OR7E24: variants seen among roughly 807,000 people sequenced by gnomAD.
OR7E24 encodes the protein olfactory receptor family 7 subfamily E member 24.
For synonymous variants in OR7E24, 130 were observed against 157.5 expected (o/e 0.83, Z 1.31); for missense variants, 385 against 410.3 (o/e 0.94, Z 0.53).
the OR7E24 span, among the ~76,000 whole-genome samples, chr19:9,219,923 A>G: frequency 6.6e-6 from 1 of 152,198 alleles, no homozygotes. Flanking sequence ...GCAAGGAACT[A>G]AACTCAGGAA....
chr19:9,245,863 T>A (rs575598446), upstream of OR7E24, among the ~76,000 whole-genome samples: 1 of 151,930 alleles, frequency 6.6e-6, no homozygotes, highest in Non-Finnish European at 1.5e-5. Context: ...GCCAAACAAC[T>A]CATTACAAAA....
chr19:9,251,060 TTC>T (rs761114866), intron 1 of OR7E24: 1 of 1,589,754 alleles, frequency 6.3e-7, no homozygotes, highest in Admixed American at 1.8e-5. Context: ...TATTTTCCAA[TTC>T]TCTTTTTTTT....
At chr19:9,232,941 A>G in the OR7E24 span, among the ~76,000 whole-genome samples, 1 of 152,130 alleles carries the variant, frequency 6.6e-6, no homozygotes, top group Non-Finnish European at 1.5e-5. Flanking sequence ...CATGAGATGC[A>G]CTCATGTAGA....
the OR7E24 span, among the ~76,000 whole-genome samples, chr19:9,239,318 C>T: frequency 4.0e-5 from 6 of 151,738 alleles, no homozygotes; most frequent in Non-Finnish European, 7.4e-5. Context: ...TACAGGCACC[C>T]GCCACCATGC....
At position 9,251,060 on chromosome 19, in the gene OR7E24, T is replaced by A. The variant is rs1232561987; in HGVS notation, c.17T>A (p.Ile6Asn). 1 of 1,589,634 alleles carries A rather than the reference T, an allele frequency of 6.3e-7. No individual in the cohort carries two copies. Among genetic ancestry groups the A allele is most frequent in the Non-Finnish European group, 8.6e-7 (1 of 1,167,918 alleles). MSYFP[I>N]LFFFFLKRCP... is the part of the protein sequence containing the mutation. ...GGTTTACTTATGTCCTATTTTCCAA[T>A]TCTCTTTTTTTTTTTCCTCAAAAGG... Residue 6 changes from isoleucine (I) to asparagine (N), a missense_variant, in exon 1 of 1, where the codon ATT becomes AAT. Coordinates refer to ENST00000456448, the MANE Select transcript of OR7E24 (RefSeq NM_001079935.2).
the OR7E24 span, chr19:9,236,028 G>A: frequency 2.5e-6 from 4 of 1,609,920 alleles, no homozygotes; most frequent in Non-Finnish European, 3.4e-6. Flanking sequence ...TGAGGAACAA[G>A]GATGTGAAGG....
At position 9,251,386 on chromosome 19, in the gene OR7E24, T is replaced by C; in HGVS notation, c.343T>C (p.Cys115Arg). The change falls in exon 1 of 1, where the codon TGC (cysteine) becomes CGC (arginine). Residue 115 changes from cysteine (C) to arginine (R), a missense_variant. By Grantham distance (180) the Cys-to-Arg change is radical (BLOSUM62 -3). Transcript: ENST00000456448. ...CAGCAGAGTCATCTCCTATGAAGGCTGCCTGACTCAGATGTCTTTTTTTGT... is the reference window on the plus strand; with the variant it reads ...CAGCAGAGTCATCTCCTATGAAGGCCGCCTGACTCAGATGTCTTTTTTTGT... ...THSRVISYEGCLTQMSFFVLF... is the reference protein window; with the variant it reads ...THSRVISYEGRLTQMSFFVLF... The C allele has an allele frequency of 6.2e-7, 1 of 1,614,160 alleles. No individual in the cohort carries two copies. Among genetic ancestry groups the C allele is most frequent in the Non-Finnish European group, 8.5e-7 (1 of 1,180,016 alleles).
At chr19:9,209,262 A>T in the OR7E24 span, 1 of 152,176 alleles carries the variant, frequency 6.6e-6, no homozygotes, top group Non-Finnish European at 1.5e-5. Context: ...GACTTTTGAT[A>T]ACTCAGAGGT....
At chr19:9,236,617 A>G in the OR7E24 span, among the ~76,000 whole-genome samples, 3 of 151,952 alleles carry the variant, frequency 2.0e-5, no homozygotes, top group Non-Finnish European at 4.4e-5. Context: ...CCCACCTAAT[A>G]TATTTCTGCT....
Position 9,251,790 on chromosome 19 carries a change from A to C in OR7E24, c.747A>C (p.Ser249=). Reference sequence around the variant, plus strand: ...CCCCCATTCTGAGAGTTCCAACATCAGATGGGAAGTATAAAGCCTTCTCCA... The same window carrying C: ...CCCCCATTCTGAGAGTTCCAACATCCGATGGGAAGTATAAAGCCTTCTCCA... The part of the protein sequence containing the change: ...IVSPILRVPT[S]DGKYKAFSTC... The change falls in exon 1 of 1, where the codon TCA becomes TCC. Residue 249 remains serine, a synonymous_variant. Transcript: ENST00000456448. 2 of 1,612,862 alleles carry C rather than the reference A, an allele frequency of 1.2e-6. No individual in the cohort carries two copies. Among genetic ancestry groups the C allele is most frequent in the Non-Finnish European group, 1.7e-6 (2 of 1,179,342 alleles).
At chr19:9,239,521 T>C in the OR7E24 span, among the ~76,000 whole-genome samples, 1 of 151,972 alleles carries the variant, frequency 6.6e-6, no homozygotes, top group Admixed American at 6.6e-5. Context: ...AGGTGATATG[T>C]CATTGAGGTT....
chr19:9,223,390 C>T, the OR7E24 span, among the ~76,000 whole-genome samples: 1 of 152,204 alleles, frequency 6.6e-6, no homozygotes, highest in Non-Finnish European at 1.5e-5. Context: ...TGTTATGTGG[C>T]AAAATGAATG....
chr19:9,244,801 C>A (rs909162123), upstream of OR7E24, among the ~76,000 whole-genome samples: 1 of 151,936 alleles, frequency 6.6e-6, no homozygotes, highest in South Asian at 2.1e-4. Flanking sequence ...AAAAGTTAAC[C>A]CAGGGAATAG....
At chr19:9,226,006 C>T in the OR7E24 span, among the ~76,000 whole-genome samples, 2 of 152,224 alleles carry the variant, frequency 1.3e-5, no homozygotes, top group Non-Finnish European at 2.9e-5. Flanking sequence ...GGCTAGAACA[C>T]AGCAAGGCAC....
chr19:9,251,109 G>C lies in OR7E24; in HGVS notation c.66G>C (p.Gln22His), dbSNP rs1444494259. 3 of 1,612,874 alleles carry C rather than the reference G, an allele frequency of 1.9e-6. No homozygotes were observed. Among genetic ancestry groups the C allele is most frequent in the Admixed American group, 1.7e-5 (1 of 59,900 alleles). Residue 22 changes from glutamine to histidine, a missense_variant, in exon 1 of 1, where the codon CAG becomes CAC. Gln to His is a conservative substitution (Grantham distance 24). Coordinates refer to ENST00000456448, the MANE Select transcript of OR7E24 (RefSeq NM_001079935.2). ...LKRCPSYTEP[Q>H]NLTGVSEFLL... ...GGTGTCCGAGCTACACAGAGCCACA[G>C]AATCTCACAGGTGTCTCAGAATTCC...
At chr19:9,214,753 C>G in the OR7E24 span, 1 of 1,614,014 alleles carries the variant, frequency 6.2e-7, no homozygotes, top group Non-Finnish European at 8.5e-7. Context: ...AGGAACAGCC[C>G]AAAGAGGACG....
the OR7E24 span, chr19:9,214,342 A>G: frequency 2.6e-3 from 4,249 of 1,614,004 alleles, 99 homozygotes; most frequent in African/African-American, 0.047. Context: ...GAGAAGGTCA[A>G]CCTCTTCATC....
upstream of OR7E24, among the ~76,000 whole-genome samples, chr19:9,248,302 T>G (rs1482953594): frequency 3.3e-5 from 5 of 152,210 alleles, no homozygotes; most frequent in African/African-American, 1.2e-4. Context: ...TCATTTCATC[T>G]TCATAATTTT....
At chr19:9,241,987 T>G in the OR7E24 span, among the ~76,000 whole-genome samples, 1 of 152,194 alleles carries the variant, frequency 6.6e-6, no homozygotes, top group African/African-American at 2.4e-5. Flanking sequence ...TCCATTTTCT[T>G]AGAGCCACTC....
Sources: allele counts gnomAD v4.1 joint callset (sites outside exome capture counted in the v4.1 genomes callset), GRCh38; gene constraint gnomAD v4.1.1; transcripts MANE v1.5; gene names NCBI Gene and HGNC (gene_info 2026-07-23, HGNC 2026-07-21).